AUTS2: variants seen among roughly 807,000 people sequenced by gnomAD.
AUTS2 encodes autism susceptibility gene 2 protein.
In AUTS2, 17 loss-of-function variants were observed where a neutral mutation model predicts 112.4. The observed-to-expected ratio is 0.15, with a 90% CI of 0.10 to 0.23. The LOEUF is 0.23. Among genes scored for constraint, AUTS2 ranks in the 10% least tolerant of loss-of-function variants. The probability of loss-of-function intolerance (pLI) is 1.00; values close to 1 mark genes in which losing one functional copy is unlikely to be tolerated. For synonymous variants in AUTS2, 751 were observed against 702.7 expected, an observed-to-expected ratio of 1.07 and a Z score of -1.09; for missense variants, 1,510 against 1,701.6, an observed-to-expected ratio of 0.89 and a Z score of 1.98.
chr7:70,126,544 A>G (rs1431207407), intron 3 of AUTS2, among the ~76,000 whole-genome samples: 1 of 152,174 alleles, frequency 6.6e-6, no homozygotes, highest in Non-Finnish European at 1.5e-5. Flanking sequence ...ACTTGTTTAG[A>G]TTAGTCACTA....
At chr7:70,762,055 G>A (rs184580890) in intron 6 of AUTS2, among the ~76,000 whole-genome samples, 5 of 152,294 alleles carry the variant, frequency 3.3e-5, no homozygotes, top group Non-Finnish European at 5.9e-5. Flanking sequence ...ATCTGTAAAT[G>A]TCAAGTGTGT....
chr7:70,003,282 TATATATTATATATGA>T (rs1380650411), intron 2 of AUTS2, among the ~76,000 whole-genome samples: 29 of 132,040 alleles, frequency 2.2e-4, no homozygotes, highest in Non-Finnish European at 3.3e-4. Context: ...TATGTGAATA[TATATATTATATATGA>T]ATATATTATA....
rs140738293 is a variant in AUTS2, at chr7:70,522,093, G to C, written c.690+86312G>C. Among the ~76,000 whole-genome samples the C allele has an allele frequency of 9.6e-3, 1,463 of 152,246 alleles. 16 individuals are homozygous for C. The highest frequency in any genetic ancestry group is 0.034 in the African/African-American group (1,400 of 41,536). On this transcript the variant is annotated intron_variant, in intron 5 of 18. Transcript: ENST00000342771. Reference sequence around the variant, plus strand: ...GCTGCAACCAGTACTACCAAGAAGAGAAATGCCACTCAAGCGAGGACAACT... The same window carrying C: ...GCTGCAACCAGTACTACCAAGAAGACAAATGCCACTCAAGCGAGGACAACT...
chr7:70,379,160 T>C (rs1793253196), intron 4 of AUTS2, among the ~76,000 whole-genome samples: 2 of 152,144 alleles, frequency 1.3e-5, no homozygotes, highest in Admixed American at 6.5e-5. Flanking sequence ...CTACAACTCG[T>C]AGGCTAGGTT....
intron 1 of AUTS2, among the ~76,000 whole-genome samples, chr7:69,820,026 A>G (rs1370776214): frequency 6.6e-6 from 1 of 152,192 alleles, no homozygotes; most frequent in African/African-American, 2.4e-5. Context: ...TTGTCCTATG[A>G]GGTTAATTGC....
At chr7:70,284,250 G>A (rs1012954439) in intron 4 of AUTS2, among the ~76,000 whole-genome samples, 1 of 152,124 alleles carries the variant, frequency 6.6e-6, no homozygotes, top group Non-Finnish European at 1.5e-5. Context: ...TCATTGTATA[G>A]TAAAACATAA....
intron 4 of AUTS2, among the ~76,000 whole-genome samples, chr7:70,385,532 C>T (rs1793569936): frequency 6.6e-6 from 1 of 152,136 alleles, no homozygotes; most frequent in Admixed American, 6.5e-5. Flanking sequence ...AAGTAGTTTC[C>T]TTAAAGCAAA....
intron 3 of AUTS2, among the ~76,000 whole-genome samples, chr7:70,124,624 A>G (rs944420741): frequency 1.3e-5 from 2 of 151,300 alleles, no homozygotes; most frequent in Admixed American, 6.6e-5. Context: ...ATGCAGTGGC[A>G]TGATCTTGGC....
intron 5 of AUTS2, among the ~76,000 whole-genome samples, chr7:70,594,760 T>G (rs1475416917): frequency 1.3e-5 from 2 of 152,042 alleles, no homozygotes; most frequent in Non-Finnish European, 2.9e-5. Flanking sequence ...TCACTTTTGA[T>G]GAGGAGCAGA....
intron 4 of AUTS2, among the ~76,000 whole-genome samples, chr7:70,185,663 G>A (rs536901037): frequency 6.6e-6 from 1 of 152,252 alleles, no homozygotes; most frequent in South Asian, 2.1e-4. Flanking sequence ...TCTACTTTTG[G>A]AGATCATATT....
intron 4 of AUTS2, among the ~76,000 whole-genome samples, chr7:70,301,732 AT>A (rs1423121766): frequency 6.0e-5 from 9 of 150,774 alleles, no homozygotes; most frequent in Admixed American, 5.9e-4. Flanking sequence ...TTTAAAAAAA[AT>A]GCCATACTAA....
At chr7:69,863,380 A>G (rs1168603548) in intron 1 of AUTS2, among the ~76,000 whole-genome samples, 1 of 152,208 alleles carries the variant, frequency 6.6e-6, no homozygotes. Flanking sequence ...CAAATTTTAC[A>G]AAGGGACTTG....
intron 1 of AUTS2, among the ~76,000 whole-genome samples, chr7:69,831,924 G>A (rs774020731): frequency 1.3e-5 from 2 of 152,216 alleles, no homozygotes; most frequent in Non-Finnish European, 2.9e-5. Context: ...CAATGGATTT[G>A]AGAGATGCTT....
At chr7:69,938,379 A>G (rs1308613713) in intron 2 of AUTS2, among the ~76,000 whole-genome samples, 1 of 152,198 alleles carries the variant, frequency 6.6e-6, no homozygotes, top group Non-Finnish European at 1.5e-5. Flanking sequence ...CTTGCGGGCT[A>G]TATGGATCTC....
chr7:70,284,946 A>C (rs943183414), intron 4 of AUTS2, among the ~76,000 whole-genome samples: 1 of 152,210 alleles, frequency 6.6e-6, no homozygotes, highest in African/African-American at 2.4e-5. Flanking sequence ...AGGTCAAAAA[A>C]GGGCCCCTTT....
chr7:70,131,742 C>G (rs1194732670), intron 3 of AUTS2, among the ~76,000 whole-genome samples: 1 of 151,974 alleles, frequency 6.6e-6, no homozygotes, highest in African/African-American at 2.4e-5. Flanking sequence ...ATGACAGAGA[C>G]TCTTTACTGG....
intron 5 of AUTS2, among the ~76,000 whole-genome samples, chr7:70,576,914 C>T (rs957902050): frequency 2.0e-5 from 3 of 152,130 alleles, no homozygotes; most frequent in African/African-American, 7.2e-5. Context: ...TCATAGATCC[C>T]TTGGAACACA....
intron 5 of AUTS2, among the ~76,000 whole-genome samples, chr7:70,602,496 C>T (rs1466264891): frequency 6.6e-6 from 1 of 152,132 alleles, no homozygotes; most frequent in Non-Finnish European, 1.5e-5. Context: ...TCTCCGGATG[C>T]CAGGCACTCA....
intron 4 of AUTS2, among the ~76,000 whole-genome samples, chr7:70,385,754 C>T (rs1046066679): frequency 3.3e-5 from 5 of 152,000 alleles, no homozygotes; most frequent in South Asian, 2.1e-4. Context: ...TAAAATTTTC[C>T]GGACCAAAGA....
Sources: allele counts gnomAD v4.1 joint callset (sites outside exome capture counted in the v4.1 genomes callset), GRCh38; gene constraint gnomAD v4.1.1; transcripts MANE v1.5; gene names NCBI Gene and HGNC (gene_info 2026-07-23, HGNC 2026-07-21).